ATP8A1: variants seen among roughly 807,000 people sequenced by gnomAD.
The protein encoded by ATP8A1 is ATPase phospholipid transporting 8A1.
A neutral mutation model predicts 177.7 loss-of-function variants in ATP8A1; 90 were observed. The ratio of observed to expected loss-of-function variants is 0.51; its 90% CI spans 0.43 to 0.60. The LOEUF is 0.60. Ranked by LOEUF, ATP8A1 falls within the 20% of genes least tolerant of loss-of-function variation. The pLI, the probability that ATP8A1 is intolerant of heterozygous loss-of-function variation, is 0.00. For missense variants in ATP8A1, 1,072 were observed against 1,392.8 expected (o/e 0.77, Z 3.67); for synonymous variants, 493 against 485.9 (o/e 1.01, Z -0.19).
intron 5 of ATP8A1, among the ~76,000 whole-genome samples, chr4:42,602,862 G>A (rs1179823190): frequency 6.6e-6 from 1 of 152,042 alleles, no homozygotes; most frequent in Non-Finnish European, 1.5e-5. Context: ...AATATAATAA[G>A]AGAGATGGTA....
chr4:42,472,273 A>T (rs559198777), intron 25 of ATP8A1: 1 of 551,598 alleles, frequency 1.8e-6, no homozygotes. Flanking sequence ...TCATTTGGAC[A>T]AAGCATAGGA....
chr4:42,524,767 T>C lies in ATP8A1; in HGVS notation c.1803A>G (p.Thr601=). Reference sequence around the variant, plus strand: ...TTATTGCCAAATTACACTTACCTTCTGTAGCAAACTGCTCTAAATGTTTTA... The same window carrying C: ...TTATTGCCAAATTACACTTACCTTCCGTAGCAAACTGCTCTAAATGTTTTA... ...ITLKHLEQFA[T]EGLRTLCFAV... The change falls in exon 21 of 37, where the codon ACA becomes ACG. Residue 601 remains threonine, a synonymous_variant. Coordinates refer to ENST00000381668, the MANE Select transcript of ATP8A1 (RefSeq NM_006095.2). The C allele has an allele frequency of 4.4e-6, 7 of 1,600,176 alleles. No individual in the cohort carries two copies. The highest frequency in any genetic ancestry group is 6.0e-6 in the Non-Finnish European group (7 of 1,171,390).
intron 25 of ATP8A1, among the ~76,000 whole-genome samples, chr4:42,469,771 C>G (rs1720187518): frequency 6.6e-6 from 1 of 152,174 alleles, no homozygotes; most frequent in Admixed American, 6.5e-5. Context: ...TGTGTCTCCA[C>G]CTGTTAAAAG....
At chr4:42,561,038 C>T (rs995596400) in intron 15 of ATP8A1, among the ~76,000 whole-genome samples, 5 of 151,962 alleles carry the variant, frequency 3.3e-5, no homozygotes, top group African/African-American at 9.7e-5. Flanking sequence ...TCTCATATTG[C>T]GAGCCACTGA....
intron 1 of ATP8A1, among the ~76,000 whole-genome samples, chr4:42,636,139 CACACACACA>C (rs1739324843): frequency 4.7e-5 from 2 of 42,142 alleles, no homozygotes; most frequent in Non-Finnish European, 6.6e-5. Context: ...CACACACACA[CACACACACA>C]CACACACACG....
intron 20 of ATP8A1, among the ~76,000 whole-genome samples, chr4:42,534,127 C>T (rs1727544658): frequency 6.6e-6 from 1 of 152,002 alleles, no homozygotes; most frequent in South Asian, 2.1e-4. Flanking sequence ...TTTAATACCC[C>T]AAAAGATCAT....
At chr4:42,540,553 TAA>T (rs147451489) in intron 20 of ATP8A1, among the ~76,000 whole-genome samples, 14 of 142,524 alleles carry the variant, frequency 9.8e-5, no homozygotes, top group Non-Finnish European at 1.6e-4. Flanking sequence ...GACCAATAGA[TAA>T]AAAAAAAAAA....
intron 16 of ATP8A1, among the ~76,000 whole-genome samples, chr4:42,555,013 T>C (rs1729913788): frequency 6.6e-6 from 1 of 152,190 alleles, no homozygotes; most frequent in Non-Finnish European, 1.5e-5. Context: ...GCTTCCTTGC[T>C]CCTCAGTGTG....
intron 5 of ATP8A1, among the ~76,000 whole-genome samples, chr4:42,610,582 CAAA>C (rs369420258): frequency 4.2e-4 from 54 of 127,670 alleles, no homozygotes; most frequent in African/African-American, 3.6e-4. Flanking sequence ...CCTTTGTGTG[CAAA>C]AAAAAAAAAA....
intron 1 of ATP8A1, among the ~76,000 whole-genome samples, chr4:42,640,233 T>C (rs1256575288): frequency 6.6e-6 from 1 of 152,246 alleles, no homozygotes; most frequent in Non-Finnish European, 1.5e-5. Context: ...TTGGGAAAGA[T>C]CTGAAAATTC....
chr4:42,536,766 C>G (rs1175820790), intron 20 of ATP8A1, among the ~76,000 whole-genome samples: 1 of 152,146 alleles, frequency 6.6e-6, no homozygotes, highest in African/African-American at 2.4e-5. Flanking sequence ...GGTTTCATAC[C>G]AGGGATGCAG....
In ATP8A1 at chr4:42,615,717, TACAA is replaced by T. The variant is rs201510648; in HGVS notation, c.409+312_409+315del. ...CTTTTCTAGAATAACATCTGTAGAT[TACAA>T]ACAAAATAAATTTATAATATTTAAC... On this transcript the variant is annotated intron_variant, in intron 5 of 36. Transcript: ENST00000381668. Among the ~76,000 whole-genome samples the T allele has an allele frequency of 5.4e-3, 817 of 152,352 alleles. 11 individuals carry two copies. The highest frequency in any genetic ancestry group is 0.019 in the African/African-American group (771 of 41,570).
At chr4:42,568,840 G>A (rs76177012) in intron 15 of ATP8A1, among the ~76,000 whole-genome samples, 2,906 of 152,170 alleles carry the variant, frequency 0.019, 89 homozygotes, top group African/African-American at 0.066. Context: ...AGAAAAACCT[G>A]ACGGCTTCAG....
chr4:42,592,140 G>A (rs1167676025), intron 6 of ATP8A1, among the ~76,000 whole-genome samples: 1 of 152,126 alleles, frequency 6.6e-6, no homozygotes, highest in Non-Finnish European at 1.5e-5. Context: ...GAAATGTCTA[G>A]CAGCACAGCT....
At chr4:42,612,355 G>A (rs1396954528) in intron 5 of ATP8A1, among the ~76,000 whole-genome samples, 1 of 149,902 alleles carries the variant, frequency 6.7e-6, no homozygotes, top group East Asian at 2.0e-4. Context: ...CAGGATCCTG[G>A]TCTGGGAGCT....
intron 27 of ATP8A1, among the ~76,000 whole-genome samples, chr4:42,461,452 G>GT (rs1719146493): frequency 6.6e-6 from 1 of 152,004 alleles, no homozygotes; most frequent in Non-Finnish European, 1.5e-5. Flanking sequence ...AGATTTGATG[G>GT]TTTTGAAAAG....
intron 6 of ATP8A1, among the ~76,000 whole-genome samples, chr4:42,593,561 A>G (rs143056381): frequency 3.4e-4 from 51 of 152,222 alleles, no homozygotes; most frequent in African/African-American, 1.1e-3. Context: ...GACACTGTCC[A>G]TATTCATATG....
chr4:42,506,015 A>G (rs1053218139), intron 23 of ATP8A1, among the ~76,000 whole-genome samples: 2 of 152,168 alleles, frequency 1.3e-5, no homozygotes, highest in African/African-American at 4.8e-5. Context: ...TAGGGACTCA[A>G]TTGATCTCCC....
rs563761973 is a variant in ATP8A1, at chr4:42,410,514, T to C, written c.*2402A>G. The stretch of plus-strand genomic sequence containing the variant: ...AAAAATCAGACTATTTTCTCTAATT[T>C]AACACTGTAAAGTCACTGCAATTGC... On this transcript the variant is annotated 3_prime_UTR_variant, in exon 37 of 37. Transcript: ENST00000381668. 1.9e-4 allele frequency: 29 copies of C among 152,326 alleles called. No individual in the cohort carries two copies. Among genetic ancestry groups the C allele is most frequent in the African/African-American group, 7.0e-4 (29 of 41,570 alleles). The allele number at this position is 152,326 out of a possible 1,614,324, so 9.4% of individuals were successfully genotyped here. A position where few individuals can be genotyped will look rare whatever the true frequency, so the allele number is the denominator to read the frequency against.
Sources: allele counts gnomAD v4.1 joint callset (sites outside exome capture counted in the v4.1 genomes callset), GRCh38; gene constraint gnomAD v4.1.1; transcripts MANE v1.5; gene names NCBI Gene and HGNC (gene_info 2026-07-23, HGNC 2026-07-21).